Variants in LIPG observed in about 807,000 individuals in gnomAD.
The protein encoded by LIPG is lipase G, endothelial type.
Under a neutral mutation model 51.8 loss-of-function variants are expected in LIPG, and 34 were observed. The observed-to-expected ratio is 0.66, with a 90% CI of 0.50 to 0.87. The LOEUF (loss-of-function observed/expected upper bound fraction) is 0.87. LIPG is among the 40% of genes least tolerant of loss of function. The pLI, the probability that LIPG is intolerant of heterozygous loss-of-function variation, is 0.00. For synonymous variants in LIPG, 246 were observed against 246.1 expected, an observed-to-expected ratio of 1.00 and a Z score of 0.00; for missense variants, 580 against 652.7, an observed-to-expected ratio of 0.89 and a Z score of 1.21.
intron 5 of LIPG, among the ~76,000 whole-genome samples, chr18:49,581,186 G>A (rs904961998): frequency 2.0e-5 from 3 of 152,130 alleles, no homozygotes; most frequent in Non-Finnish European, 2.9e-5. Context: ...CCTGAATCTC[G>A]GAAGTTGAGG....
intron 9 of LIPG, 110 bp from the exon 10 acceptor site, chr18:49,590,391 G>A (rs2084928891): frequency 3.7e-6 from 4 of 1,093,704 alleles, no homozygotes; most frequent in South Asian, 1.3e-5. Context: ...AGTCCCATAG[G>A]GGTGTCAGAA....
intron 1 of LIPG, among the ~76,000 whole-genome samples, chr18:49,563,185 T>C (rs1319099916): frequency 6.6e-6 from 1 of 152,138 alleles, no homozygotes; most frequent in Admixed American, 6.5e-5. Context: ...AACCCCATCA[T>C]CTCATCTTCT....
intron 5 of LIPG, among the ~76,000 whole-genome samples, chr18:49,577,857 T>G (rs1367080920): frequency 1.3e-5 from 1 of 74,446 alleles, no homozygotes. Flanking sequence ...GACCCCCCCA[T>G]CTCCCTCCCA....
chr18:49,593,441 G>A lies in LIPG; in HGVS notation c.*2919G>A, dbSNP rs2143990045. 1 of 152,344 alleles carries A rather than the reference G, an allele frequency of 6.6e-6. No individual in the cohort carries two copies. Among genetic ancestry groups the A allele is most frequent in the Middle Eastern group, 3.4e-3 (1 of 294 alleles). The allele number at this position is 152,344 out of a possible 1,614,324, so 9.4% of individuals were successfully genotyped here. A position where few individuals can be genotyped will look rare whatever the true frequency, so the allele number is the denominator to read the frequency against. On this transcript the variant is annotated 3_prime_UTR_variant, in exon 10 of 10. Transcript: ENST00000261292. Reference sequence around the variant, plus strand: ...ATTGTAGCAGCTTGAAGGCCTGAAGGTGGATGTTAGGAAGAACAGGGAGCA... The same window carrying A: ...ATTGTAGCAGCTTGAAGGCCTGAAGATGGATGTTAGGAAGAACAGGGAGCA...
At chr18:49,573,340 G>T (rs2084682986) in intron 4 of LIPG, among the ~76,000 whole-genome samples, 1 of 152,178 alleles carries the variant, frequency 6.6e-6, no homozygotes, top group South Asian at 2.1e-4. Context: ...CTGCTTTTGT[G>T]CCATCTTTCT....
intron 6 of LIPG, 100 bp downstream of exon 6, chr18:49,581,757 GC>G: frequency 7.0e-7 from 1 of 1,426,802 alleles, no homozygotes; most frequent in Non-Finnish European, 9.8e-7. Flanking sequence ...AGGAGAAGTG[GC>G]CAGCACAATC....
chr18:49,583,913 A>T (rs2084854631), intron 8 of LIPG, 139 bp downstream of exon 8: 1 of 737,828 alleles, frequency 1.4e-6, no homozygotes, highest in Admixed American at 2.7e-5. Context: ...CACCTTTGCA[A>T]GGACAAGTGA....
intron 5 of LIPG, among the ~76,000 whole-genome samples, chr18:49,577,271 C>T (rs1177073949): frequency 5.0e-5 from 7 of 138,816 alleles, no homozygotes; most frequent in African/African-American, 1.4e-4. Flanking sequence ...CATCTTGCAC[C>T]GCCCTTAATC....
In LIPG at chr18:49,567,503, A is replaced by G; in HGVS notation, c.341A>G (p.Lys114Arg). 6.2e-7 allele frequency: 1 copy of G among 1,614,180 alleles called. No individual in the cohort carries two copies. The highest frequency in any genetic ancestry group is 8.5e-7 in the Non-Finnish European group (1 of 1,180,036). The change falls in exon 3 of 10, where the codon AAA (lysine) becomes AGA (arginine). Residue 114 changes from lysine (K) to arginine (R), a missense_variant. Transcript: ENST00000261292. ...GTGTCAGCCCTGCACACAAGAGAGA[A>G]AGACGCCAATGTAGTTGTGGTTGAC... is the stretch of plus-strand genomic sequence containing the variant. ...KLVSALHTRE[K>R]DANVVVVDWL...
chr18:49,578,151 TG>T (rs2084749678), intron 5 of LIPG, among the ~76,000 whole-genome samples: 1 of 133,958 alleles, frequency 7.5e-6, no homozygotes, highest in Admixed American at 7.1e-5. Flanking sequence ...CCGGACGGGG[TG>T]GCTGCTGGGC....
At chr18:49,571,959 T>C (rs1438829041) in intron 4 of LIPG, among the ~76,000 whole-genome samples, 1 of 152,232 alleles carries the variant, frequency 6.6e-6, no homozygotes, top group African/African-American at 2.4e-5. Flanking sequence ...AGCAAGCAGA[T>C]GAATTTATTC....
chr18:49,568,761 A>T (rs1454275358), intron 3 of LIPG, among the ~76,000 whole-genome samples: 2 of 152,138 alleles, frequency 1.3e-5, no homozygotes, highest in Admixed American at 1.3e-4. Context: ...ACACTGTCAA[A>T]GCGGCACCAT....
rs1173022808 is a variant in LIPG at position 49,567,470 on chromosome 18, A to C, written c.308A>C (p.His103Pro). The C allele has an allele frequency of 6.2e-7, 1 of 1,614,222 alleles. No individual in the cohort carries two copies. The highest frequency in any genetic ancestry group is 1.1e-5 in the South Asian group (1 of 91,086). ...TMSGIFENWL[H>P]KLVSALHTRE... The stretch of plus-strand genomic sequence containing the variant: ...AGCGGTATCTTTGAAAACTGGCTGC[A>C]CAAACTCGTGTCAGCCCTGCACACA... Residue 103 changes from histidine to proline, a missense_variant, in exon 3 of 10, where the codon CAC becomes CCC. His to Pro is a moderately conservative substitution (Grantham distance 77). Coordinates refer to ENST00000261292, the MANE Select transcript of LIPG (RefSeq NM_006033.4).
intron 8 of LIPG, 89 bp from the exon 9 acceptor site, chr18:49,586,657 C>T (rs985769302): frequency 1.1e-6 from 1 of 917,300 alleles, no homozygotes; most frequent in African/African-American, 1.6e-5. Context: ...TTCACCCCTG[C>T]CTCCTCACCC....
In LIPG at chr18:49,583,730, G is replaced by A; in HGVS notation, c.1332G>A (p.Leu444=). Residue 444 remains leucine, a synonymous_variant, in exon 8 of 10, where the codon CTG becomes CTA. Coordinates refer to ENST00000261292, the MANE Select transcript of LIPG (RefSeq NM_006033.4). ...LSQPRNPGRE[L]NIRRIRVKSG... is the part of the protein sequence containing the mutation. Reference sequence around the variant, plus strand: ...AACCCCGCAACCCCGGACGGGAGCTGAATATCAGGCGCATCCGGGTGAAGT... The same window carrying A: ...AACCCCGCAACCCCGGACGGGAGCTAAATATCAGGCGCATCCGGGTGAAGT... 6.2e-7 allele frequency: 1 copy of A among 1,614,020 alleles called. No individual in the cohort carries two copies. Among genetic ancestry groups the A allele is most frequent in the Non-Finnish European group, 8.5e-7 (1 of 1,180,014 alleles).
chr18:49,590,147 T>C, intron 9 of LIPG: 1 of 406,710 alleles, frequency 2.5e-6, no homozygotes, highest in Non-Finnish European at 4.6e-6. Context: ...ACTTTGATAG[T>C]TCTCCCCACA....
At position 49,596,901 on chromosome 18, in the gene LIPG, G is replaced by C. The variant is rs932009336; in HGVS notation, c.*6379G>C. The stretch of plus-strand genomic sequence containing the variant: ...CTTAGCCCCAGCTCTCTGGTATTCT[G>C]TGTAGCTGACTTCCACAAGGGATCT... On this transcript the variant is annotated 3_prime_UTR_variant, in exon 10 of 10. Coordinates refer to ENST00000261292, the MANE Select transcript of LIPG (RefSeq NM_006033.4). 1.3e-5 allele frequency: 2 copies of C among 152,008 alleles called. No homozygotes were observed. The highest frequency in any genetic ancestry group is 4.8e-5 in the African/African-American group (2 of 41,342). The allele number at this position is 152,008 out of a possible 1,614,324, so 9.4% of individuals were successfully genotyped here. A position where few individuals can be genotyped will look rare whatever the true frequency, so the allele number is the denominator to read the frequency against.
At chr18:49,567,048 C>G (rs2148847719) in intron 2 of LIPG, among the ~76,000 whole-genome samples, 1 of 152,320 alleles carries the variant, frequency 6.6e-6, no homozygotes, top group Non-Finnish European at 1.5e-5. Context: ...CTAAAATTGT[C>G]TGGGGGCACT....
At chr18:49,561,654 CAG>C (rs2084550621), upstream of LIPG, 4 of 1,235,860 alleles carry the variant, frequency 3.2e-6, no homozygotes, top group Non-Finnish European at 4.0e-6. Flanking sequence ...AGACCACTCC[CAG>C]AGAGAGTGTG....
Sources: gnomAD v4.1 joint callset for allele counts (sites outside exome capture counted in the v4.1 genomes callset) on GRCh38, gnomAD v4.1.1 for gene constraint, MANE v1.5 for transcripts, NCBI Gene and HGNC (gene_info 2026-07-23, HGNC 2026-07-21) for gene names.